UTP6: variants seen among roughly 807,000 people sequenced by gnomAD.
The protein encoded by UTP6 is U3 small nucleolar RNA-associated protein 6 homolog.
In UTP6, 60 loss-of-function variants were observed where a neutral mutation model predicts 96.5. The observed-to-expected ratio is 0.62, with a 90% confidence interval of 0.51 to 0.77. The LOEUF (loss-of-function observed/expected upper bound fraction) is 0.77, where lower values mean the gene tolerates loss of function less well. Among genes scored for constraint, UTP6 ranks in the 30% least tolerant of loss-of-function variants. The pLI, the probability that UTP6 is intolerant of heterozygous loss-of-function variation, is 0.00. For missense variants in UTP6, 637 were observed against 706.5 expected, an observed-to-expected ratio of 0.90 and a Z score of 1.12; for synonymous variants, 215 against 240.1, an observed-to-expected ratio of 0.90 and a Z score of 0.96.
At chr17:31,867,839 C>T (rs1231955902) in intron 17 of UTP6, among the ~76,000 whole-genome samples, 2 of 151,992 alleles carry the variant, frequency 1.3e-5, no homozygotes, top group African/African-American at 2.4e-5. Flanking sequence ...GCCTATAGTC[C>T]CAGCTACTCC....
rs1324855721 is a variant in UTP6, at chr17:31,861,731, T to C, written c.*1628A>G. On this transcript the variant is annotated 3_prime_UTR_variant, in exon 19 of 19. Coordinates refer to ENST00000261708, the MANE Select transcript of UTP6 (RefSeq NM_018428.3). ...TAACTTCACTAATATCAAAGTATGG[T>C]AAAACAATGACATATCACATTTCAC... 1 of 152,036 alleles carries C rather than the reference T, an allele frequency of 6.6e-6. No homozygotes were observed. The allele number at this position is 152,036 out of a possible 1,614,324, so 9.4% of individuals were successfully genotyped here.
intron 6 of UTP6, chr17:31,892,039 C>A: frequency 1.9e-6 from 1 of 530,688 alleles, no homozygotes; most frequent in Non-Finnish European, 3.4e-6. Flanking sequence ...AAAAGAAATA[C>A]AGTCCTTCTT....
At chr17:31,899,084 G>T (rs1904821575) in intron 2 of UTP6, among the ~76,000 whole-genome samples, 1 of 152,112 alleles carries the variant, frequency 6.6e-6, no homozygotes, top group South Asian at 2.1e-4. Context: ...ACAAACACTT[G>T]TAATCCCAGC....
rs138852166 is a variant in UTP6, at chr17:31,896,197, C to T, written c.178-1186G>A. On this transcript the variant is annotated intron_variant, in intron 2 of 18. Coordinates refer to ENST00000261708, the MANE Select transcript of UTP6 (RefSeq NM_018428.3). Reference sequence around the variant, plus strand: ...GATTCAAGCAGTTTTCCTGCCTCAGCCTCCCCAGTAGCTGGGATTACAGGT... The same window carrying T: ...GATTCAAGCAGTTTTCCTGCCTCAGTCTCCCCAGTAGCTGGGATTACAGGT... 6.0e-3 allele frequency among the ~76,000 whole-genome samples: 907 copies of T among 151,884 alleles called. 6 individuals are homozygous for T. Among genetic ancestry groups the T allele is most frequent in the African/African-American group, 0.021 (850 of 41,458 alleles).
intron 10 of UTP6, among the ~76,000 whole-genome samples, chr17:31,882,828 C>T (rs1910920849): frequency 6.6e-6 from 1 of 152,054 alleles, no homozygotes; most frequent in Non-Finnish European, 1.5e-5. Flanking sequence ...CTCTGTCACC[C>T]AGGCTGGGGT....
At chr17:31,867,999 C>G (rs750771452) in intron 17 of UTP6, 47 bp downstream of exon 17, 1 of 1,556,840 alleles carries the variant, frequency 6.4e-7, no homozygotes. Context: ...GATTAGTAAC[C>G]ACTAATCCAT....
chr17:31,886,705 T>C (rs1336328453), intron 8 of UTP6: 1 of 152,650 alleles, frequency 6.6e-6, no homozygotes, highest in Non-Finnish European at 1.5e-5. Context: ...TAACAGACAA[T>C]AGCAAAGTTT....
chr17:31,894,571 T>C, intron 4 of UTP6, 74 bp downstream of exon 4: 1 of 1,054,920 alleles, frequency 9.5e-7, no homozygotes, highest in Non-Finnish European at 1.4e-6. Context: ...GAAAACTGCA[T>C]TTGAATCCCT....
At chr17:31,901,400 G>C (rs1251681108) in intron 1 of UTP6, 136 bp downstream of exon 1, 1 of 777,558 alleles carries the variant, frequency 1.3e-6, no homozygotes, top group African/African-American at 1.7e-5. Flanking sequence ...GGACATCACC[G>C]AAAACGAGAA....
chr17:31,900,041 G>A (rs1904881450), intron 1 of UTP6, among the ~76,000 whole-genome samples: 1 of 152,002 alleles, frequency 6.6e-6, no homozygotes, highest in Middle Eastern at 3.4e-3. Context: ...CTACTCGGGA[G>A]ACTGAGGCAG....
intron 1 of UTP6, 130 bp from the exon 2 acceptor site, chr17:31,899,860 T>A: frequency 1.4e-6 from 1 of 706,134 alleles, no homozygotes; most frequent in Non-Finnish European, 2.1e-6. Context: ...AAGAAAGTAT[T>A]ATCGGCCGGA....
At chr17:31,893,031 G>A (rs1349467479) in intron 4 of UTP6, among the ~76,000 whole-genome samples, 1 of 151,974 alleles carries the variant, frequency 6.6e-6, no homozygotes, top group African/African-American at 2.4e-5. Context: ...AGATTATTGG[G>A]AGGCCAAGGC....
At chr17:31,895,664 G>C (rs961736631) in intron 2 of UTP6, among the ~76,000 whole-genome samples, 4 of 151,946 alleles carry the variant, frequency 2.6e-5, no homozygotes, top group African/African-American at 9.7e-5. Context: ...CTCCCGAGTA[G>C]CTTGGATTAC....
chr17:31,872,831 T>TTA (rs780419519), intron 16 of UTP6, among the ~76,000 whole-genome samples: 2,461 of 151,628 alleles, frequency 0.016, 26 homozygotes, highest in Non-Finnish European at 0.024. Context: ...TGAAACCGTC[T>TTA]CTACTAAATT....
At position 31,889,423 on chromosome 17, in the gene UTP6, A is replaced by C; in HGVS notation, c.425-20T>G. 6.4e-7 allele frequency: 1 copy of C among 1,569,796 alleles called. No homozygotes were observed. On this transcript the variant is annotated intron_variant, in intron 6 of 18. Transcript: ENST00000261708. ...ACAAAGCTGTAAGTGAAAAACCATC[A>C]GATTTCATTTCAATAAATTAATCAA...
rs1393051453 is a variant in UTP6, at chr17:31,880,693, C to T, written c.847G>A (p.Glu283Lys). The change falls in exon 11 of 19, where the codon GAG becomes AAG. Residue 283 changes from glutamate (E) to lysine (K), a missense_variant. Glu to Lys is a moderately conservative substitution (Grantham distance 56). Transcript: ENST00000261708. ...TGCTCTTCTGTCTGTGACTCAATCTCTAATTCTCGCCTTGCCACATAATCC... is the reference window on the plus strand; with the variant it reads ...TGCTCTTCTGTCTGTGACTCAATCTTTAATTCTCGCCTTGCCACATAATCC... The part of the protein sequence containing the change: ...TWDYVARREL[E>K]IESQTEEQPT... 1.2e-6 allele frequency: 2 copies of T among 1,614,180 alleles called. No homozygotes were observed. Among genetic ancestry groups the T allele is most frequent in the Admixed American group, 1.7e-5 (1 of 60,004 alleles).
chr17:31,868,245 A>T lies in UTP6; in HGVS notation c.1497-133T>A. The T allele has an allele frequency of 4.7e-6, 3 of 640,530 alleles. No homozygotes were observed. The South Asian group carries it at 6.4e-5, about 14-fold the overall frequency. 39.7% of individuals were successfully genotyped at this position (640,530 alleles called of 1,614,324 possible). A position where few individuals can be genotyped will look rare whatever the true frequency, so the allele number is the denominator to read the frequency against. Reference sequence around the variant, plus strand: ...GACTTGACTTCAAATCAATGCAAGGACTTGACCTGATGGCCAGTCATTCTC... The same window carrying T: ...GACTTGACTTCAAATCAATGCAAGGTCTTGACCTGATGGCCAGTCATTCTC... On this transcript the variant is annotated intron_variant, in intron 16 of 18. Transcript: ENST00000261708.
At chr17:31,879,325 G>A (rs966820990) in intron 11 of UTP6, among the ~76,000 whole-genome samples, 1 of 152,106 alleles carries the variant, frequency 6.6e-6, no homozygotes, top group Non-Finnish European at 1.5e-5. Flanking sequence ...GGGAGGAAGA[G>A]GTTGTAGTAA....
intron 17 of UTP6, among the ~76,000 whole-genome samples, chr17:31,867,433 A>G (rs1909889121): frequency 6.7e-6 from 1 of 149,638 alleles, no homozygotes; most frequent in African/African-American, 2.5e-5. Flanking sequence ...ACTTGAACCC[A>G]GGATGCAGAG....
Sources: allele counts gnomAD v4.1 joint callset (sites outside exome capture counted in the v4.1 genomes callset), GRCh38; gene constraint gnomAD v4.1.1; transcripts MANE v1.5; gene names NCBI Gene and HGNC (gene_info 2026-07-23, HGNC 2026-07-21).